ZBTB25: variants seen among roughly 807,000 people sequenced by gnomAD.
The protein encoded by ZBTB25 is zinc finger and BTB domain-containing protein 25.
A neutral mutation model predicts 34.2 loss-of-function variants in ZBTB25; 20 were observed. That is an observed-to-expected ratio of 0.58 (90% CI 0.41 to 0.85). The LOEUF is 0.85. ZBTB25 is among the 40% of genes least tolerant of loss of function. The pLI, the probability that ZBTB25 is intolerant of heterozygous loss-of-function variation, is 0.00. For missense variants in ZBTB25, 437 were observed against 521.8 expected, an observed-to-expected ratio of 0.84 and a Z score of 1.58; for synonymous variants, 175 against 186.4, an observed-to-expected ratio of 0.94 and a Z score of 0.50.
chr14:64,490,065 G>A lies in ZBTB25; in HGVS notation c.173+296C>T, dbSNP rs745834232. ...TCTACTAAAAATACAAAAATTAACC[G>A]GGCGTGGTGGCAGGCGCCTGTAATC... On this transcript the variant is annotated intron_variant, in intron 2 of 2. Coordinates refer to ENST00000608382, the MANE Select transcript of ZBTB25 (RefSeq NM_006977.5). Among the ~76,000 whole-genome samples, 5 of 149,772 alleles carry A rather than the reference G, an allele frequency of 3.3e-5. No individual in the cohort carries two copies. The South Asian group carries it at 8.5e-4, about 25-fold the overall frequency.
At chr14:64,457,257 A>G (rs2078489317) in intron 2 of ZBTB25, among the ~76,000 whole-genome samples, 1 of 152,178 alleles carries the variant, frequency 6.6e-6, no homozygotes, top group Non-Finnish European at 1.5e-5. Flanking sequence ...ATTTAAAAGC[A>G]GGCAAGCCCT....
At chr14:64,492,197 A>ATAC (rs2079106299) in intron 1 of ZBTB25, among the ~76,000 whole-genome samples, 1 of 135,498 alleles carries the variant, frequency 7.4e-6, no homozygotes, top group Non-Finnish European at 1.6e-5. Context: ...TCCCCAAGTT[A>ATAC]TATTATTATT....
intron 1 of ZBTB25, chr14:64,503,280 C>T (rs1015142967): frequency 3.0e-6 from 3 of 985,312 alleles, no homozygotes; most frequent in Admixed American, 6.1e-5. Flanking sequence ...TGGAAAGTCG[C>T]CCGCTCGTAA....
rs555055489 is a variant in ZBTB25 at position 64,490,593 on chromosome 14, A to G, written c.-7-53T>C. 2.1e-6 allele frequency: 3 copies of G among 1,407,690 alleles called. No homozygotes were observed. In the South Asian group the frequency reaches 5.3e-5, roughly 25 times the overall value. 87.2% of individuals were successfully genotyped at this position (1,407,690 alleles called of 1,614,324 possible). On this transcript the variant is annotated intron_variant, in intron 1 of 2. Transcript: ENST00000608382. ...ATAGGTGTGTATGTATATACGCATT[A>G]TTTTTTATTAATACAAAATTGTCTA...
In ZBTB25 at chr14:64,480,526, A is replaced by G. The variant is rs137891733; in HGVS notation, c.*6397T>C. On this transcript the variant is annotated 3_prime_UTR_variant, in exon 3 of 3. Transcript: ENST00000608382. Reference sequence around the variant, plus strand: ...ACCTCCAAAATGTTACCCAGTACAAAGACTACTTGCCTCAACACTAGGAAC... The same window carrying G: ...ACCTCCAAAATGTTACCCAGTACAAGGACTACTTGCCTCAACACTAGGAAC... The G allele has an allele frequency of 4.8e-4, 125 of 259,674 alleles. No individual in the cohort carries two copies. Among genetic ancestry groups the G allele is most frequent in the African/African-American group, 2.7e-3 (118 of 43,122 alleles). The allele number at this position is 259,674 out of a possible 1,614,324, so 16.1% of individuals were successfully genotyped here.
rs954941922 is a variant in ZBTB25 at position 64,485,715 on chromosome 14, G to A, written c.*1208C>T. On this transcript the variant is annotated 3_prime_UTR_variant, in exon 3 of 3. Coordinates refer to ENST00000608382, the MANE Select transcript of ZBTB25 (RefSeq NM_006977.5). ...AAAATTACTTTTTCAGTGATTTTTA[G>A]AAAATTAAAATCAACCCAGGAAGCC... 2.0e-6 allele frequency: 2 copies of A among 985,236 alleles called. No individual in the cohort carries two copies. The highest frequency in any genetic ancestry group is 1.2e-4 in the Admixed American group (2 of 16,256). The allele number at this position is 985,236 out of a possible 1,614,324, so 61.0% of individuals were successfully genotyped here. A position where few individuals can be genotyped will look rare whatever the true frequency, so the allele number is the denominator to read the frequency against.
At chr14:64,489,905 T>A (rs916306731) in intron 2 of ZBTB25, among the ~76,000 whole-genome samples, 28 of 151,550 alleles carry the variant, frequency 1.8e-4, no homozygotes, top group African/African-American at 6.3e-4. Context: ...ATTACTAATG[T>A]ATAAAAAATT....
intron 1 of ZBTB25, among the ~76,000 whole-genome samples, chr14:64,500,454 CAAAAAAAAAAA>C (rs374975040): frequency 3.8e-5 from 2 of 52,076 alleles, no homozygotes; most frequent in South Asian, 1.1e-3. Context: ...CCCAATAAAG[CAAAAAAAAAAA>C]AAAAAAAAAA....
rs770423469 is a variant in ZBTB25 at position 64,487,324 on chromosome 14, T to G, written c.907A>C (p.Lys303Gln). 32 of 1,613,908 alleles carry G rather than the reference T, an allele frequency of 2.0e-5. No individual in the cohort carries two copies. Among genetic ancestry groups the G allele is most frequent in the African/African-American group, 2.7e-5 (2 of 74,908 alleles). The change falls in exon 3 of 3, where the codon AAG becomes CAG. Residue 303 changes from lysine to glutamine, a missense_variant. Lys to Gln is a moderately conservative substitution (Grantham distance 53). Transcript: ENST00000608382. The stretch of plus-strand genomic sequence containing the variant: ...TGGTCTGGCTGCTGTTCATTCTCCT[T>G]AACAATGAAGGAGCTGAGCCTGCGG... ...ECRRLSSFIV[K>Q]ENEQQPDHTN...
chr14:64,477,676 T>A (rs2078732181), downstream of ZBTB25, among the ~76,000 whole-genome samples: 1 of 152,230 alleles, frequency 6.6e-6, no homozygotes, highest in African/African-American at 2.4e-5. Flanking sequence ...GTTCTTCAGG[T>A]TTTCCTCCCT....
In ZBTB25 at chr14:64,481,345, A is replaced by G. The variant is rs77935940; in HGVS notation, c.*5578T>C. The G allele has an allele frequency of 6.6e-6, 1 of 152,404 alleles. No homozygotes were observed. Among genetic ancestry groups the G allele is most frequent in the African/African-American group, 2.4e-5 (1 of 41,594 alleles). The allele number at this position is 152,404 out of a possible 1,614,324, so 9.4% of individuals were successfully genotyped here. On this transcript the variant is annotated 3_prime_UTR_variant, in exon 3 of 3. Transcript: ENST00000608382. ...GCATGAGGCACCATGCCCGGCAGAT[A>G]CACAACTTTCTAAAAGAATGTTTCT... is the stretch of plus-strand genomic sequence containing the variant.
intron 1 of ZBTB25, among the ~76,000 whole-genome samples, chr14:64,500,965 C>T (rs554445964): frequency 5.8e-4 from 89 of 152,300 alleles, no homozygotes; most frequent in African/African-American, 2.1e-3. Flanking sequence ...GCCAGAGAAT[C>T]GCTTGAATGC....
chr14:64,462,630 C>G (rs966007585), intron 2 of ZBTB25: 4 of 152,202 alleles, frequency 2.6e-5, no homozygotes, highest in Admixed American at 2.6e-4. Flanking sequence ...TCTGATCTCA[C>G]TTCAGAGGCT....
At position 64,485,012 on chromosome 14, in the gene ZBTB25, C is replaced by T. The variant is rs1227254096; in HGVS notation, c.*1911G>A. The T allele has an allele frequency of 1.0e-6, 1 of 985,162 alleles. No individual in the cohort carries two copies. Among genetic ancestry groups the T allele is most frequent in the Non-Finnish European group, 1.2e-6 (1 of 829,776 alleles). 61.0% of individuals were successfully genotyped at this position (985,162 alleles called of 1,614,324 possible). A position where few individuals can be genotyped will look rare whatever the true frequency, so the allele number is the denominator to read the frequency against. ...GATCTTATCAAGTTAGATGTGCTCT[C>T]AACACACATCAGTCTTAACCATAGG... On this transcript the variant is annotated 3_prime_UTR_variant, in exon 3 of 3. Coordinates refer to ENST00000608382, the MANE Select transcript of ZBTB25 (RefSeq NM_006977.5).
intron 1 of ZBTB25, among the ~76,000 whole-genome samples, chr14:64,501,188 T>A (rs1454267878): frequency 6.6e-6 from 1 of 152,240 alleles, no homozygotes; most frequent in Non-Finnish European, 1.5e-5. Flanking sequence ...CTTTCCTTTT[T>A]AGGGAGAATA....
At chr14:64,461,016 A>G (rs1227557642) in intron 2 of ZBTB25, 1 of 151,766 alleles carries the variant, frequency 6.6e-6, no homozygotes, top group Non-Finnish European at 1.5e-5. Context: ...ACAGAGCTAG[A>G]CTCTGTCTAA....
chr14:64,466,388 G>C (rs546195230), intron 2 of ZBTB25, among the ~76,000 whole-genome samples: 1 of 152,234 alleles, frequency 6.6e-6, no homozygotes, highest in East Asian at 1.9e-4. Context: ...TTGTCTTTGC[G>C]CAATCCAGGT....
At chr14:64,468,335 C>A in intron 2 of ZBTB25, 4 of 1,465,700 alleles carry the variant, frequency 2.7e-6, no homozygotes, top group Middle Eastern at 3.6e-4. Flanking sequence ...CTTTTTGTCA[C>A]AAAAGGCTGC....
intron 2 of ZBTB25, among the ~76,000 whole-genome samples, chr14:64,489,812 G>C (rs1007682294): frequency 1.3e-5 from 2 of 151,774 alleles, no homozygotes; most frequent in African/African-American, 4.8e-5. Flanking sequence ...GGGATTACAG[G>C]CGTGAGCCAT....
Sources: allele counts gnomAD v4.1 joint callset (sites outside exome capture counted in the v4.1 genomes callset), GRCh38; gene constraint gnomAD v4.1.1; transcripts MANE v1.5; gene names NCBI Gene and HGNC (gene_info 2026-07-23, HGNC 2026-07-21).